MAST4: variants seen among roughly 807,000 people sequenced by gnomAD.
MAST4 encodes microtubule-associated serine/threonine-protein kinase 4.
Under a neutral mutation model 162.7 loss-of-function variants are expected in MAST4, and 89 were observed. The ratio of observed to expected loss-of-function variants is 0.55; its 90% CI spans 0.46 to 0.65. The LOEUF (loss-of-function observed/expected upper bound fraction) is 0.65, where lower values mean the gene tolerates loss of function less well. MAST4 is among the 30% of genes least tolerant of loss of function. The pLI is 0.00. For missense variants in MAST4, 3,153 were observed against 3,374.0 expected (o/e 0.93, Z 1.62); for synonymous variants, 1,479 against 1,361.1 (o/e 1.09, Z -1.91).
chr5:66,639,278 TTGTGTG>T (rs70987132), intron 1 of MAST4, among the ~76,000 whole-genome samples: 22 of 138,620 alleles, frequency 1.6e-4, no homozygotes, highest in South Asian at 2.6e-4. Flanking sequence ...GAGAGGCAGC[TTGTGTG>T]TGTGTGTGTG....
chr5:66,899,005 T>C (rs1201295639), intron 3 of MAST4, among the ~76,000 whole-genome samples: 1 of 152,196 alleles, frequency 6.6e-6, no homozygotes, highest in Non-Finnish European at 1.5e-5. Context: ...TTTCAAAGGA[T>C]AGTGCTCAAG....
In MAST4 at chr5:66,837,023, C is replaced by CGTGTGTGTGT. The variant is rs544483226; in HGVS notation, c.642+48229_642+48230insGTGTGTGTGT. The stretch of plus-strand genomic sequence containing the variant: ...GTCTGGGTAAAAGACCATGCAGGAT[C>CGTGTGTGTGT]ATGTGTGTGTGTGTGTGTGTGTGTG... On this transcript the variant is annotated intron_variant, in intron 3 of 28. Transcript: ENST00000403625. 2.7e-3 allele frequency among the ~76,000 whole-genome samples: 386 copies of CGTGTGTGTGT among 144,758 alleles called. 8 individuals carry two copies. Among genetic ancestry groups the CGTGTGTGTGT allele is most frequent in the South Asian group, 0.016 (70 of 4,318 alleles). 95.0% of individuals were successfully genotyped at this position (144,758 alleles called of 152,430 possible). A position where few individuals can be genotyped will look rare whatever the true frequency, so the allele number is the denominator to read the frequency against.
chr5:66,750,450 G>A (rs949023703), intron 1 of MAST4, among the ~76,000 whole-genome samples: 3 of 152,236 alleles, frequency 2.0e-5, no homozygotes, highest in Non-Finnish European at 2.9e-5. Context: ...CACCGTGTGC[G>A]AGCCGAAGCA....
At chr5:66,989,614 G>A (rs1749863522) in intron 4 of MAST4, among the ~76,000 whole-genome samples, 1 of 152,136 alleles carries the variant, frequency 6.6e-6, no homozygotes, top group African/African-American at 2.4e-5. Flanking sequence ...CTGACATTTT[G>A]AAACCAGCTC....
chr5:67,126,757 G>T (rs551217305), intron 14 of MAST4, among the ~76,000 whole-genome samples: 6 of 152,266 alleles, frequency 3.9e-5, no homozygotes, highest in African/African-American at 9.6e-5. Flanking sequence ...GAAATTTAAA[G>T]AAGCTTTTTC....
At chr5:66,893,816 G>C (rs1172987723) in intron 3 of MAST4, among the ~76,000 whole-genome samples, 1 of 152,120 alleles carries the variant, frequency 6.6e-6, no homozygotes, top group Non-Finnish European at 1.5e-5. Flanking sequence ...TTCAATTGTT[G>C]TTAGAATGTA....
intron 1 of MAST4, among the ~76,000 whole-genome samples, chr5:66,724,980 G>C (rs1302869401): frequency 6.6e-6 from 1 of 151,682 alleles, no homozygotes; most frequent in Non-Finnish European, 1.5e-5. Flanking sequence ...TTTTCTTTTT[G>C]AGAATGCTTA....
intron 1 of MAST4, among the ~76,000 whole-genome samples, chr5:66,643,801 A>G (rs192527141): frequency 7.5e-4 from 114 of 151,640 alleles, no homozygotes; most frequent in Admixed American, 1.8e-3. Flanking sequence ...TGGAAAATCC[A>G]TTTGCATTCC....
At position 66,921,346 on chromosome 5, in the gene MAST4, C is replaced by T. The variant is rs545327051; in HGVS notation, c.674+21364C>T. ...AAGGCCGGGGACATCACTCCTGGAC[C>T]TAATGAGGTGAGGTAAACTGCAGCC... On this transcript the variant is annotated intron_variant, in intron 4 of 28. Transcript: ENST00000403625. Among the ~76,000 whole-genome samples, 12 of 152,272 alleles carry T rather than the reference C, an allele frequency of 7.9e-5. No homozygotes were observed. The South Asian group carries it at 2.5e-3, about 32-fold the overall frequency.
intron 1 of MAST4, among the ~76,000 whole-genome samples, chr5:66,678,067 G>A (rs916760100): frequency 6.6e-6 from 1 of 152,112 alleles, no homozygotes; most frequent in African/African-American, 2.4e-5. Context: ...CTGTGACCAG[G>A]TGAGATTTTT....
intron 5 of MAST4, among the ~76,000 whole-genome samples, chr5:67,057,298 A>G (rs1350968383): frequency 6.6e-6 from 1 of 152,128 alleles, no homozygotes; most frequent in Non-Finnish European, 1.5e-5. Context: ...CTCCATCAAA[A>G]TGAGAAGGAA....
chr5:66,750,441 A>G (rs1561304354), intron 1 of MAST4, among the ~76,000 whole-genome samples: 1 of 152,204 alleles, frequency 6.6e-6, no homozygotes, highest in African/African-American at 2.4e-5. Context: ...GGGTGCGTGC[A>G]CCGTGTGCGA....
At chr5:67,066,407 C>T (rs1186527842) in intron 5 of MAST4, among the ~76,000 whole-genome samples, 1 of 150,586 alleles carries the variant, frequency 6.6e-6, no homozygotes, top group Non-Finnish European at 1.5e-5. Flanking sequence ...AACATCCTTA[C>T]ATAAATTTAT....
chr5:66,726,550 T>C (rs564645621), intron 1 of MAST4, among the ~76,000 whole-genome samples: 1 of 152,180 alleles, frequency 6.6e-6, no homozygotes, highest in African/African-American at 2.4e-5. Flanking sequence ...AAGGGAACTT[T>C]GATTTGATTC....
intron 14 of MAST4, among the ~76,000 whole-genome samples, chr5:67,125,334 C>T (rs573823223): frequency 9.9e-5 from 15 of 151,350 alleles, no homozygotes; most frequent in Admixed American, 8.6e-4. Flanking sequence ...ACACATGCCA[C>T]GGTGGTTTGC....
rs1773481224 is a variant in MAST4, at chr5:67,163,565, C to G, written c.4386C>G (p.Cys1462Trp). 6.3e-7 allele frequency: 1 copy of G among 1,594,732 alleles called. No homozygotes were observed. Among genetic ancestry groups the G allele is most frequent in the African/African-American group, 1.3e-5 (1 of 74,578 alleles). Reference protein sequence around the residue: ...PSYGSDKKHLCSRKHSLEVTQ... With the variant: ...PSYGSDKKHLWSRKHSLEVTQ... ...ACGGCAGTGACAAGAAGCACCTGTG[C>G]TCCCGCAAGCACAGCCTGGAGGTGA... Residue 1462 changes from cysteine to tryptophan, a missense_variant, in exon 29 of 29, where the codon TGC becomes TGG. By Grantham distance (215) the Cys-to-Trp change is radical. Around this residue, in one of 7 missense-constraint regions of MAST4, gnomAD observed 619 missense variants for 744.2 expected, o/e 0.83. Coordinates refer to ENST00000403625, the MANE Select transcript of MAST4 (RefSeq NM_001164664.2). This position sits in a 1 kb window ranked among gnomAD's most constrained non-coding sequence, Gnocchi z 7.0.
intron 4 of MAST4, among the ~76,000 whole-genome samples, chr5:66,978,696 T>C (rs1435158209): frequency 6.6e-6 from 1 of 152,184 alleles, no homozygotes; most frequent in East Asian, 1.9e-4. Flanking sequence ...GATGTAGACA[T>C]GTATGTTCAA....
At chr5:66,877,903 C>T (rs958810546) in intron 3 of MAST4, among the ~76,000 whole-genome samples, 12 of 152,150 alleles carry the variant, frequency 7.9e-5, no homozygotes, top group African/African-American at 2.2e-4. Context: ...AAATGTAAAA[C>T]TTTCTGAAAT....
chr5:66,673,441 G>A (rs1747735771), intron 1 of MAST4, among the ~76,000 whole-genome samples: 1 of 151,110 alleles, frequency 6.6e-6, no homozygotes, highest in African/African-American at 2.4e-5. Flanking sequence ...TACCACTTAT[G>A]AAGTTACCAT....
Sources: gnomAD v4.1 joint callset for allele counts (sites outside exome capture counted in the v4.1 genomes callset) on GRCh38, gnomAD v4.1.1 for gene constraint, gnomAD v4.1.1 regional missense constraint, Gnocchi (gnomAD v3.1) non-coding constraint, MANE v1.5 for transcripts, NCBI Gene and HGNC (gene_info 2026-07-23, HGNC 2026-07-21) for gene names.